ATG12: variants seen among roughly 807,000 people sequenced by gnomAD.
ATG12 encodes autophagy related 12.
Under a neutral mutation model 17.6 loss-of-function variants are expected in ATG12, and 19 were observed. That is an observed-to-expected ratio of 1.08 (90% CI 0.75 to 1.58). The LOEUF is 1.58. Ranked by LOEUF, ATG12 falls within the 40% of genes most tolerant of loss-of-function variation. The pLI is 0.00. For synonymous variants in ATG12, 75 were observed against 62.4 expected (o/e 1.20, Z -0.95); for missense variants, 214 against 162.0 (o/e 1.32, Z -1.74).
At chr5:115,840,296 C>CT (rs544937852) in intron 1 of ATG12, among the ~76,000 whole-genome samples, 4,613 of 135,060 alleles carry the variant, frequency 0.034, 103 homozygotes, top group African/African-American at 0.059. Flanking sequence ...AGACCAATGT[C>CT]TTTTTTTTTT....
rs550650410 is a variant in ATG12 at position 115,841,442 on chromosome 5, G to A, written c.111C>T (p.Ser37=). The A allele has an allele frequency of 1.2e-6, 2 of 1,609,986 alleles. No individual in the cohort carries two copies. Among genetic ancestry groups the A allele is most frequent in the East Asian group, 2.2e-5 (1 of 44,842 alleles). Residue 37 remains serine (S), a synonymous_variant, in exon 1 of 4, where the codon TCC becomes TCT. Transcript: ENST00000509910. ...CCTCTGTTCCCGGGGAAACTGCAGC[G>A]GAAGACGGGGGCTCCGGGGTGGTTG... ...PETTTPEPPS[S]AAVSPGTEEP...
At position 115,828,366 on chromosome 5, in the gene ATG12, A is replaced by G. The variant is rs1359617955; in HGVS notation, c.*3438T>C. ...AAAGTGATATACCAACTCATATTCT[A>G]TTCACCAAAATATGACAGGATTTCC... On this transcript the variant is annotated 3_prime_UTR_variant, in exon 4 of 4. Transcript: ENST00000509910. The G allele has an allele frequency of 6.6e-6, 1 of 152,328 alleles. No homozygotes were observed. Among genetic ancestry groups the G allele is most frequent in the East Asian group, 1.9e-4 (1 of 5,188 alleles). 9.4% of individuals were successfully genotyped at this position (152,328 alleles called of 1,614,324 possible).
intron 2 of ATG12, chr5:115,835,260 T>C (rs182486250): frequency 3.5e-4 from 53 of 152,326 alleles, no homozygotes; most frequent in Non-Finnish European, 6.6e-4. Flanking sequence ...TCATCGTCTC[T>C]AGGGATGCTG....
rs761194295 is a variant in ATG12, at chr5:115,837,776, G to A, written c.164-12C>T. 2.3e-5 allele frequency: 36 copies of A among 1,580,158 alleles called. 1 individual carries two copies. In the South Asian group the frequency reaches 4.1e-4, roughly 18 times the overall value. On this transcript the variant is annotated splice_polypyrimidine_tract_variant and intron_variant, in intron 1 of 3. Transcript: ENST00000509910. ...TAGCAAAATGTCAACTGTAAAAGAA[G>A]AATAAAATTTACTGACAATTACACT...
At position 115,828,304 on chromosome 5, in the gene ATG12, C is replaced by T. The variant is rs766446182; in HGVS notation, c.*3500G>A. 2 of 152,134 alleles carry T rather than the reference C, an allele frequency of 1.3e-5. No homozygotes were observed. Among genetic ancestry groups the T allele is most frequent in the South Asian group, 2.1e-4 (1 of 4,834 alleles). The allele number at this position is 152,134 out of a possible 1,614,324, so 9.4% of individuals were successfully genotyped here. A position where few individuals can be genotyped will look rare whatever the true frequency, so the allele number is the denominator to read the frequency against. Reference sequence around the variant, plus strand: ...ACGAACAAACTGAAGTTTATACTTACGTTTCAAGGTTTTTGATATTGCCAA... The same window carrying T: ...ACGAACAAACTGAAGTTTATACTTATGTTTCAAGGTTTTTGATATTGCCAA... On this transcript the variant is annotated 3_prime_UTR_variant, in exon 4 of 4. Transcript: ENST00000509910.
intron 1 of ATG12, chr5:115,838,308 T>C (rs907336598): frequency 2.6e-5 from 4 of 152,270 alleles, no homozygotes; most frequent in African/African-American, 9.6e-5. Flanking sequence ...CATTTATTTT[T>C]ATATGAAACA....
At chr5:115,831,966 A>G in intron 3 of ATG12, 103 bp from the exon 4 acceptor site, 1 of 1,068,042 alleles carries the variant, frequency 9.4e-7, no homozygotes, top group Non-Finnish European at 1.4e-6. Context: ...ACACACGTAT[A>G]TTAAGTTACC....
intron 2 of ATG12, 105 bp downstream of exon 2, chr5:115,837,523 C>G: frequency 8.4e-7 from 1 of 1,187,294 alleles, no homozygotes; most frequent in Non-Finnish European, 1.2e-6. Context: ...ATAACAAAAG[C>G]GACATATGTG....
intron 1 of ATG12, chr5:115,840,916 G>C (rs1286170276): frequency 1.6e-6 from 2 of 1,286,628 alleles, no homozygotes; most frequent in African/African-American, 3.0e-5. Flanking sequence ...TTTGGTTTAA[G>C]GAGTGAATTC....
intron 2 of ATG12, chr5:115,833,253 T>C (rs1040206745): frequency 1.3e-5 from 2 of 152,142 alleles, no homozygotes; most frequent in Non-Finnish European, 2.9e-5. Context: ...GTACTTAAAG[T>C]CACAGTGTTG....
chr5:115,840,924 T>A, intron 1 of ATG12: 1 of 1,281,064 alleles, frequency 7.8e-7, no homozygotes, highest in South Asian at 1.2e-5. Context: ...AAGGAGTGAA[T>A]TCACAACCAA....
intron 3 of ATG12, among the ~76,000 whole-genome samples, chr5:115,832,168 G>GA (rs1760894732): frequency 6.6e-6 from 1 of 151,446 alleles, no homozygotes; most frequent in Admixed American, 6.6e-5. Flanking sequence ...AGTGGTGCTA[G>GA]TATGTGTACT....
At position 115,831,301 on chromosome 5, in the gene ATG12, T is replaced by C. The variant is rs182137915; in HGVS notation, c.*503A>G. The C allele has an allele frequency of 6.5e-6, 1 of 154,926 alleles. No homozygotes were observed. The highest frequency in any genetic ancestry group is 6.5e-5 in the Admixed American group (1 of 15,440). The allele number at this position is 154,926 out of a possible 1,614,324, so 9.6% of individuals were successfully genotyped here. On this transcript the variant is annotated 3_prime_UTR_variant, in exon 4 of 4. Transcript: ENST00000509910. ...TTCCCCTATTATTCCCCAGCAAAGA[T>C]GTGAAACCAAAACGCCTAACCTTTT...
rs1357364357 is a variant in ATG12, at chr5:115,828,301, T to G, written c.*3503A>C. On this transcript the variant is annotated 3_prime_UTR_variant, in exon 4 of 4. Transcript: ENST00000509910. ...TATACGAACAAACTGAAGTTTATACTTACGTTTCAAGGTTTTTGATATTGC... is the reference window on the plus strand; with the variant it reads ...TATACGAACAAACTGAAGTTTATACGTACGTTTCAAGGTTTTTGATATTGC... 3 of 152,162 alleles carry G rather than the reference T, an allele frequency of 2.0e-5. No individual in the cohort carries two copies. Among genetic ancestry groups the G allele is most frequent in the Non-Finnish European group, 4.4e-5 (3 of 68,012 alleles). The allele number at this position is 152,162 out of a possible 1,614,324, so 9.4% of individuals were successfully genotyped here. A position where few individuals can be genotyped will look rare whatever the true frequency, so the allele number is the denominator to read the frequency against.
chr5:115,833,509 C>T (rs1356499453), intron 2 of ATG12: 1 of 152,058 alleles, frequency 6.6e-6, no homozygotes, highest in Non-Finnish European at 1.5e-5. Context: ...CTCTGAGACA[C>T]ACCTGGGTTT....
At chr5:115,841,175 G>A (rs1761439689) in intron 1 of ATG12, 2 of 562,264 alleles carry the variant, frequency 3.6e-6, no homozygotes, top group African/African-American at 4.0e-5. Flanking sequence ...TGGCAGCCAA[G>A]TATCAGGCCC....
In ATG12 at chr5:115,831,447, A is replaced by C. The variant is rs1475099589; in HGVS notation, c.*357T>G. 3.5e-6 allele frequency: 1 copy of C among 285,660 alleles called. No homozygotes were observed. The highest frequency in any genetic ancestry group is 6.5e-6 in the Non-Finnish European group (1 of 152,784). 17.7% of individuals were successfully genotyped at this position (285,660 alleles called of 1,614,324 possible). A position where few individuals can be genotyped will look rare whatever the true frequency, so the allele number is the denominator to read the frequency against. ...TAAAAAAAAAGGAACCCTTTAGTAT[A>C]TTAACTTTTACCATGAAAACAATTT... On this transcript the variant is annotated 3_prime_UTR_variant, in exon 4 of 4. Coordinates refer to ENST00000509910, the MANE Select transcript of ATG12 (RefSeq NM_004707.4).
At chr5:115,836,499 T>A (rs771166773) in intron 2 of ATG12, among the ~76,000 whole-genome samples, 34 of 152,222 alleles carry the variant, frequency 2.2e-4, no homozygotes, top group Non-Finnish European at 3.7e-4. Context: ...TTCACTTTTG[T>A]GAGAGCACTT....
chr5:115,832,567 CT>C (rs1561450485), intron 3 of ATG12, 34 bp downstream of exon 3: 2 of 1,066,412 alleles, frequency 1.9e-6, no homozygotes, highest in Non-Finnish European at 2.3e-6. Context: ...GCAGTAATTT[CT>C]TTCTTTTTTT....
Sources: gnomAD v4.1 joint callset for allele counts (sites outside exome capture counted in the v4.1 genomes callset) on GRCh38, gnomAD v4.1.1 for gene constraint, MANE v1.5 for transcripts, NCBI Gene and HGNC (gene_info 2026-07-23, HGNC 2026-07-21) for gene names.